CAMKMT: variants seen among roughly 807,000 people sequenced by gnomAD.
CAMKMT encodes the protein calmodulin-lysine N-methyltransferase.
In CAMKMT, 53 loss-of-function variants were observed where a neutral mutation model predicts 48.0. The observed-to-expected ratio is 1.10, with a 90% CI of 0.89 to 1.39. The LOEUF (loss-of-function observed/expected upper bound fraction) is 1.39. Ranked by LOEUF, CAMKMT falls within the 40% of genes most tolerant of loss-of-function variation. CAMKMT has a pLI of 0.00. For synonymous variants in CAMKMT, 165 were observed against 152.3 expected (o/e 1.08, Z -0.61); for missense variants, 428 against 402.7 (o/e 1.06, Z -0.54).
At chr2:44,533,228 A>G (rs1558683315) in intron 3 of CAMKMT, among the ~76,000 whole-genome samples, 1 of 151,652 alleles carries the variant, frequency 6.6e-6, no homozygotes, top group East Asian at 1.9e-4. Context: ...TCATTAAAAA[A>G]TAATTAATAA....
At chr2:44,564,376 C>T (rs949830208) in intron 3 of CAMKMT, among the ~76,000 whole-genome samples, 2 of 151,834 alleles carry the variant, frequency 1.3e-5, no homozygotes, top group African/African-American at 4.8e-5. Flanking sequence ...GGTTTCACCA[C>T]CTTGGCCAGG....
At chr2:44,427,113 A>G (rs1447886117) in intron 3 of CAMKMT, among the ~76,000 whole-genome samples, 1 of 152,248 alleles carries the variant, frequency 6.6e-6, no homozygotes, top group Non-Finnish European at 1.5e-5. Context: ...AACCATATGC[A>G]GAAGAATGAA....
At chr2:44,574,607 G>GA (rs1280953975) in intron 3 of CAMKMT, among the ~76,000 whole-genome samples, 3 of 141,160 alleles carry the variant, frequency 2.1e-5, no homozygotes, top group South Asian at 2.3e-4. Context: ...GAATACAGGG[G>GA]GAAAAAAAAG....
chr2:44,718,119 GAAGGGGCCTTGCA>G (rs781306836), intron 7 of CAMKMT, among the ~76,000 whole-genome samples: 7 of 152,150 alleles, frequency 4.6e-5, no homozygotes, highest in Non-Finnish European at 8.8e-5. Context: ...AAGGGCCTTG[GAAGGGGCCTTGCA>G]AGAGGCTCTG....
chr2:44,656,016 G>C (rs1192295094), intron 3 of CAMKMT, among the ~76,000 whole-genome samples: 1 of 152,124 alleles, frequency 6.6e-6, no homozygotes, highest in African/African-American at 2.4e-5. Flanking sequence ...GGGAGGGTAG[G>C]CAAAACATTA....
chr2:44,646,503 A>G (rs934692903), intron 3 of CAMKMT, among the ~76,000 whole-genome samples: 19 of 152,168 alleles, frequency 1.2e-4, no homozygotes, highest in African/African-American at 3.9e-4. Flanking sequence ...ACTGACTGCA[A>G]TAAAACCTAG....
At chr2:44,456,470 A>G in intron 3 of CAMKMT, 1 of 1,418,948 alleles carries the variant, frequency 7.0e-7, no homozygotes. Context: ...ATAAATATGT[A>G]CATTCTTGTG....
intron 3 of CAMKMT, among the ~76,000 whole-genome samples, chr2:44,412,774 A>G (rs1683297057): frequency 6.6e-6 from 1 of 151,652 alleles, no homozygotes; most frequent in Non-Finnish European, 1.5e-5. Context: ...TCAATTTGGA[A>G]TGTAGTTTAA....
At chr2:44,687,287 T>C (rs1362770590) in intron 3 of CAMKMT, among the ~76,000 whole-genome samples, 1 of 152,250 alleles carries the variant, frequency 6.6e-6, no homozygotes, top group Non-Finnish European at 1.5e-5. Flanking sequence ...TGTGTATCTA[T>C]ATCACTGTGC....
At chr2:44,473,836 C>T (rs1668544797) in intron 3 of CAMKMT, among the ~76,000 whole-genome samples, 1 of 152,184 alleles carries the variant, frequency 6.6e-6, no homozygotes, top group African/African-American at 2.4e-5. Flanking sequence ...TCTTCTGTGC[C>T]TGATCTTTGG....
At chr2:44,470,809 G>C (rs748270629) in intron 3 of CAMKMT, among the ~76,000 whole-genome samples, 1 of 151,934 alleles carries the variant, frequency 6.6e-6, no homozygotes, top group Non-Finnish European at 1.5e-5. Context: ...GATTACTTAT[G>C]AGATTAACCA....
chr2:44,602,760 A>C (rs768111361), intron 3 of CAMKMT, among the ~76,000 whole-genome samples: 20 of 152,042 alleles, frequency 1.3e-4, no homozygotes, highest in Non-Finnish European at 2.6e-4. Context: ...CCTCACAAAC[A>C]TGAGAATAGC....
At chr2:44,400,608 C>A (rs768771677) in intron 3 of CAMKMT, among the ~76,000 whole-genome samples, 1 of 151,798 alleles carries the variant, frequency 6.6e-6, no homozygotes, top group Admixed American at 6.6e-5. Context: ...CTTAAAAATT[C>A]TTTTGGTGAT....
Position 44,410,247 on chromosome 2 carries a change from ATTTT to A in CAMKMT, c.376+19966_376+19969del, listed in dbSNP as rs1164693728. ...CAGGTATCAGTATATATATATATAT[ATTTT>A]TTTTTTTTTTTTTTTTTTTTTTTGA... On this transcript the variant is annotated intron_variant, in intron 3 of 10. Transcript: ENST00000378494. 2.6e-4 allele frequency among the ~76,000 whole-genome samples: 5 copies of A among 19,462 alleles called. 1 individual carries two copies. Among genetic ancestry groups the A allele is most frequent in the Non-Finnish European group, 3.2e-4 (3 of 9,520 alleles). 12.8% of individuals were successfully genotyped at this position (19,462 alleles called of 152,430 possible).
intron 3 of CAMKMT, among the ~76,000 whole-genome samples, chr2:44,696,492 GTGAC>G (rs1202162278): frequency 6.6e-6 from 1 of 152,146 alleles, no homozygotes; most frequent in East Asian, 1.9e-4. Context: ...CCCATTTCAG[GTGAC>G]TGGGCAACTC....
intron 3 of CAMKMT, among the ~76,000 whole-genome samples, chr2:44,480,214 A>G (rs1383510825): frequency 2.0e-5 from 3 of 152,194 alleles, no homozygotes; most frequent in Non-Finnish European, 4.4e-5. Flanking sequence ...GCGACACAGA[A>G]CTGAGGATGT....
chr2:44,506,211 A>C (rs957656965), intron 3 of CAMKMT, among the ~76,000 whole-genome samples: 7 of 152,176 alleles, frequency 4.6e-5, no homozygotes, highest in African/African-American at 1.4e-4. Flanking sequence ...CAAATGGTAA[A>C]TGTTCCTAAG....
At chr2:44,765,330 G>A (rs535037607) in intron 9 of CAMKMT, among the ~76,000 whole-genome samples, 2 of 152,158 alleles carry the variant, frequency 1.3e-5, no homozygotes, top group African/African-American at 4.8e-5. Context: ...CTAAAGGAGA[G>A]GATATTCATA....
At chr2:44,696,711 G>A (rs1333387390) in intron 3 of CAMKMT, among the ~76,000 whole-genome samples, 1 of 151,746 alleles carries the variant, frequency 6.6e-6, no homozygotes, top group Admixed American at 6.6e-5. Context: ...TTTACTTCCA[G>A]AATTACCAGA....
Sources: gnomAD v4.1 joint callset for allele counts (sites outside exome capture counted in the v4.1 genomes callset) on GRCh38, gnomAD v4.1.1 for gene constraint, MANE v1.5 for transcripts, NCBI Gene and HGNC (gene_info 2026-07-23, HGNC 2026-07-21) for gene names.